CRYBG2: variants seen among roughly 807,000 people sequenced by gnomAD.
CRYBG2 encodes the protein beta/gamma crystallin domain-containing protein 2.
Under a neutral mutation model 153.4 loss-of-function variants are expected in CRYBG2, and 106 were observed. The observed-to-expected ratio is 0.69, with a 90% CI of 0.59 to 0.81. The LOEUF (loss-of-function observed/expected upper bound fraction) is 0.81. CRYBG2 is among the 30% of genes least tolerant of loss of function. The probability of loss-of-function intolerance (pLI) is 0.00; values close to 1 mark genes in which losing one functional copy is unlikely to be tolerated. For synonymous variants in CRYBG2, 851 were observed against 877.8 expected, an observed-to-expected ratio of 0.97 and a Z score of 0.54; for missense variants, 1,996 against 2,112.0, an observed-to-expected ratio of 0.95 and a Z score of 1.08.
At position 26,331,570 on chromosome 1, in the gene CRYBG2, G is replaced by C; in HGVS notation, c.4233C>G (p.Leu1411=). 1 of 1,614,144 alleles carries C rather than the reference G, an allele frequency of 6.2e-7. No individual in the cohort carries two copies. Among genetic ancestry groups the C allele is most frequent in the Non-Finnish European group, 8.5e-7 (1 of 1,180,032 alleles). The part of the protein sequence containing the change: ...ETNFEGDQHI[L]SEGEFPTLTA... ...TGAGAGTGGGGAACTCGCCCTCAGA[G>C]AGAATGTGCTGGTCACCCTCGAAGT... The change falls in exon 15 of 20, where the codon CTC becomes CTG. Residue 1411 remains leucine (L), a synonymous_variant. Transcript: ENST00000308182.
At position 26,344,491 on chromosome 1, in the gene CRYBG2, G is replaced by C. The variant is rs1352513267; in HGVS notation, c.2167C>G (p.Pro723Ala). ...DRVSPSPGGT[P>A]APVPTGAEAS... ...TCTGCTCCTGTTGGCACTGGGGCAG[G>C]GGTGCCTCCTGGGCTGGGGGACACC... is the stretch of plus-strand genomic sequence containing the variant. Residue 723 changes from proline to alanine, a missense_variant, in exon 2 of 20, where the codon CCT (proline) becomes GCT (alanine). Physicochemically the swap from Pro to Ala is conservative, Grantham distance 27. Coordinates refer to ENST00000308182, the MANE Select transcript of CRYBG2 (RefSeq NM_001039775.4). 6.5e-7 allele frequency: 1 copy of C among 1,544,644 alleles called. No homozygotes were observed. Among genetic ancestry groups the C allele is most frequent in the Non-Finnish European group, 8.7e-7 (1 of 1,144,024 alleles).
chr1:26,328,498 A>G, intron 16 of CRYBG2, 166 bp from the exon 17 acceptor site: 1 of 1,220,274 alleles, frequency 8.2e-7, no homozygotes, highest in Non-Finnish European at 1.1e-6. Context: ...GGAGGCTGGG[A>G]AGTAGATTTG....
At position 26,336,124 on chromosome 1, in the gene CRYBG2, T is replaced by A. The variant is rs1054215962; in HGVS notation, c.4155A>T (p.Arg1385=). 2 of 1,513,746 alleles carry A rather than the reference T, an allele frequency of 1.3e-6. No individual in the cohort carries two copies. The highest frequency in any genetic ancestry group is 1.8e-6 in the Non-Finnish European group (2 of 1,123,828). 93.8% of individuals were successfully genotyped at this position (1,513,746 alleles called of 1,614,324 possible). ...DDQAALPASF[R]PQSCRVHGGS... ...CGCCGTGGACCCGGCAGGACTGAGG[T>A]CGGAAGGAGGCGGGCAGAGCGGCCT... The change falls in exon 14 of 20, where the codon CGA becomes CGT. Residue 1385 remains arginine (R), a synonymous_variant. Transcript: ENST00000308182. The surrounding 1 kb of genome is among the most constrained non-coding windows in gnomAD (Gnocchi z 4.9).
chr1:26,352,164 G>A (rs113277759), intron 1 of CRYBG2, among the ~76,000 whole-genome samples: 5 of 152,246 alleles, frequency 3.3e-5, no homozygotes, highest in African/African-American at 1.2e-4. Flanking sequence ...CCCACATGCA[G>A]GCAAACACAT....
chr1:26,341,104 C>T (rs1396302225), intron 5 of CRYBG2, among the ~76,000 whole-genome samples: 4 of 151,854 alleles, frequency 2.6e-5, no homozygotes, highest in South Asian at 4.2e-4. Flanking sequence ...TTTGAGAGGC[C>T]GAGATGGGTG....
Position 26,336,444 on chromosome 1 carries a change from C to T in CRYBG2, c.4039-74G>A, listed in dbSNP as rs1388583704. 2.5e-6 allele frequency: 4 copies of T among 1,577,908 alleles called. No individual in the cohort carries two copies. The highest frequency in any genetic ancestry group is 2.7e-5 in the African/African-American group (2 of 73,768). On this transcript the variant is annotated intron_variant, in intron 12 of 19. Transcript: ENST00000308182. The surrounding 1 kb of genome is among the most constrained non-coding windows in gnomAD (Gnocchi z 4.9). ...CCTTGTCTTCTCTAGGTTTCAGTAC[C>T]GTCCACCCCGCGGCCGCGCCCTCGG...
chr1:26,346,307 A>G lies in CRYBG2; in HGVS notation c.351T>C (p.Ala117=). The change falls in exon 2 of 20, where the codon GCT becomes GCC. Residue 117 remains alanine (A), a synonymous_variant. Transcript: ENST00000308182. The surrounding 1 kb of genome is among the most constrained non-coding windows in gnomAD (Gnocchi z 4.9). The part of the protein sequence containing the change: ...EKRPEGRLKE[A]VDQSDGSRQA... ...GGCGGCTGCCATCACTCTGGTCCAC[A>G]GCCTCCTTCAGCCTCCCCTCAGGCC... The G allele has an allele frequency of 1.3e-6, 2 of 1,598,878 alleles. No homozygotes were observed. Among genetic ancestry groups the G allele is most frequent in the Non-Finnish European group, 1.7e-6 (2 of 1,179,488 alleles).
intron 1 of CRYBG2, among the ~76,000 whole-genome samples, chr1:26,348,413 T>C (rs1196756305): frequency 6.6e-6 from 1 of 152,096 alleles, no homozygotes; most frequent in Non-Finnish European, 1.5e-5. Context: ...ATTAAAAGAA[T>C]TAGCCAGCAT....
chr1:26,338,200 C>A, intron 7 of CRYBG2, 151 bp downstream of exon 7: 1 of 1,408,838 alleles, frequency 7.1e-7, no homozygotes, highest in African/African-American at 1.4e-5. Context: ...CTCCCACTCC[C>A]ATTCCCAATA....
intron 18 of CRYBG2, 89 bp from the exon 19 acceptor site, chr1:26,322,412 C>T: frequency 6.9e-7 from 1 of 1,445,734 alleles, no homozygotes. Flanking sequence ...GCTCTGAATC[C>T]TGGCTCTTAG....
At chr1:26,323,489 A>T (rs1426823660) in intron 18 of CRYBG2, among the ~76,000 whole-genome samples, 1 of 152,182 alleles carries the variant, frequency 6.6e-6, no homozygotes, top group Non-Finnish European at 1.5e-5. Flanking sequence ...CCCCACTAGG[A>T]TGTAAGCTTC....
At chr1:26,350,711 C>A (rs894518331) in intron 1 of CRYBG2, among the ~76,000 whole-genome samples, 1 of 152,112 alleles carries the variant, frequency 6.6e-6, no homozygotes, top group African/African-American at 2.4e-5. Context: ...TCTCCACCCC[C>A]ACTCCCTGAC....
rs2074219890 is a variant in CRYBG2, at chr1:26,346,286, G to A, written c.372C>T (p.Ser124=). 1 of 1,595,988 alleles carries A rather than the reference G, an allele frequency of 6.3e-7. No individual in the cohort carries two copies. Among genetic ancestry groups the A allele is most frequent in the African/African-American group, 1.3e-5 (1 of 74,790 alleles). Residue 124 remains serine (S), a synonymous_variant, in exon 2 of 20, where the codon AGC becomes AGT. Coordinates refer to ENST00000308182, the MANE Select transcript of CRYBG2 (RefSeq NM_001039775.4). The surrounding 1 kb of genome is among the most constrained non-coding windows in gnomAD (Gnocchi z 4.9). ...LKEAVDQSDG[S]RQAPRTEPPC... ...GGGGCTCAGTCCTGGGAGCTTGGCG[G>A]CTGCCATCACTCTGGTCCACAGCCT...
intron 1 of CRYBG2, among the ~76,000 whole-genome samples, chr1:26,353,834 G>A (rs1446992586): frequency 6.6e-6 from 1 of 152,212 alleles, no homozygotes; most frequent in Non-Finnish European, 1.5e-5. Flanking sequence ...GGACAGTGGG[G>A]GTGAGAAGCA....
rs1481235589 is a variant in CRYBG2 at position 26,324,312 on chromosome 1, T to C, written c.4579-2A>G. 2 of 1,602,578 alleles carry C rather than the reference T, an allele frequency of 1.2e-6. No individual in the cohort carries two copies. Among genetic ancestry groups the C allele is most frequent in the South Asian group, 1.1e-5 (1 of 90,786 alleles). On this transcript the variant is annotated splice_acceptor_variant, in intron 17 of 19. Coordinates refer to ENST00000308182, the MANE Select transcript of CRYBG2 (RefSeq NM_001039775.4). LOFTEE classifies it high-confidence loss of function. ...CCAGAGGCGGAAATAAACCCGGCGC[T>C]GGTGGCAGAAAGAGGCTGAGAGTCA...
rs1488790469 is a variant in CRYBG2, at chr1:26,341,255, C to T, written c.3204+1499G>A. On this transcript the variant is annotated intron_variant, in intron 5 of 19. Transcript: ENST00000308182. ...ACTTGGGAGGCTGAGGCAGGAGAATCGCGTGAACCCAGGAGGCGGAGGCTG... is the reference window on the plus strand; with the variant it reads ...ACTTGGGAGGCTGAGGCAGGAGAATTGCGTGAACCCAGGAGGCGGAGGCTG... Among the ~76,000 whole-genome samples the T allele has an allele frequency of 4.6e-5, 7 of 151,434 alleles. 1 individual carries two copies. In the South Asian group the frequency reaches 1.3e-3, roughly 27 times the overall value.
At chr1:26,328,662 C>CCAGGATCT in intron 16 of CRYBG2, 72 bp downstream of exon 16, 1 of 1,533,246 alleles carries the variant, frequency 6.5e-7, no homozygotes, top group Non-Finnish European at 8.8e-7. Flanking sequence ...CCAGAGACCC[C>CCAGGATCT]CAGGATCTCT....
Position 26,343,691 on chromosome 1 carries a change from C to A in CRYBG2, c.2913+54G>T, listed in dbSNP as rs1557715335. The A allele has an allele frequency of 2.8e-6, 4 of 1,437,608 alleles. No homozygotes were observed. Among genetic ancestry groups the A allele is most frequent in the Non-Finnish European group, 3.7e-6 (4 of 1,094,278 alleles). 89.1% of individuals were successfully genotyped at this position (1,437,608 alleles called of 1,614,324 possible). On this transcript the variant is annotated intron_variant, in intron 2 of 19. Coordinates refer to ENST00000308182, the MANE Select transcript of CRYBG2 (RefSeq NM_001039775.4). The surrounding 1 kb of genome is among the most constrained non-coding windows in gnomAD (Gnocchi z 4.1). ...CACCACTCTCTTCACACCACTCAAG[C>A]CTTGACCCAGGTGAGGCCAGGCACC...
rs78618474 is a variant in CRYBG2 at position 26,331,855 on chromosome 1, A to G, written c.4185-237T>C. On this transcript the variant is annotated intron_variant, in intron 14 of 19. Coordinates refer to ENST00000308182, the MANE Select transcript of CRYBG2 (RefSeq NM_001039775.4). ...CAATATTAGGCAAAACTCCATGAGTAATTACTCAGCAATCTCATACCTAGG... is the reference window on the plus strand; with the variant it reads ...CAATATTAGGCAAAACTCCATGAGTGATTACTCAGCAATCTCATACCTAGG... Among the ~76,000 whole-genome samples the G allele has an allele frequency of 1.8e-4, 27 of 152,348 alleles. No homozygotes were observed. In the East Asian group the frequency reaches 5.2e-3, roughly 29 times the overall value.
Sources: gnomAD v4.1 joint callset for allele counts (sites outside exome capture counted in the v4.1 genomes callset) on GRCh38, gnomAD v4.1.1 for gene constraint, Gnocchi (gnomAD v3.1) non-coding constraint, MANE v1.5 for transcripts, NCBI Gene and HGNC (gene_info 2026-07-23, HGNC 2026-07-21) for gene names.